The following INTS9 variants were observed in gnomAD, a reference collection of about 807,000 sequenced individuals.
INTS9 encodes protein related to CPSF subunits of 74 kDa.
In INTS9, 55 loss-of-function variants were observed where a neutral mutation model predicts 79.7. That is an observed-to-expected ratio of 0.69 (90% CI 0.56 to 0.86). INTS9 has a LOEUF of 0.86. INTS9 is among the 40% of genes least tolerant of loss of function. INTS9 has a pLI of 0.00. For synonymous variants in INTS9, 319 were observed against 325.2 expected, an observed-to-expected ratio of 0.98 and a Z score of 0.20; for missense variants, 721 against 831.5, an observed-to-expected ratio of 0.87 and a Z score of 1.64.
chr8:28,822,493 A>G (rs1281110059), intron 6 of INTS9, among the ~76,000 whole-genome samples: 2 of 152,224 alleles, frequency 1.3e-5, no homozygotes, highest in African/African-American at 2.4e-5. Flanking sequence ...ATAAAACTTT[A>G]TAAAAACAGT....
chr8:28,776,071 A>G (rs532420269), intron 13 of INTS9, 145 bp from the exon 14 acceptor site: 51 of 610,796 alleles, frequency 8.3e-5, no homozygotes, highest in South Asian at 1.2e-4. Context: ...CTCAAGCCCA[A>G]TGAACCGTAG....
At chr8:28,871,651 T>TC (rs1809102529) in intron 1 of INTS9, among the ~76,000 whole-genome samples, 1 of 152,038 alleles carries the variant, frequency 6.6e-6, no homozygotes, top group South Asian at 2.1e-4. Context: ...AGCAATCCGC[T>TC]CACCTCGGCC....
At chr8:28,818,504 A>C (rs1805634936) in intron 6 of INTS9, among the ~76,000 whole-genome samples, 1 of 152,206 alleles carries the variant, frequency 6.6e-6, no homozygotes, top group African/African-American at 2.4e-5. Context: ...GATGAAGCCC[A>C]CTTGATCATG....
At chr8:28,796,338 T>C (rs2130968339) in intron 9 of INTS9, among the ~76,000 whole-genome samples, 1 of 152,276 alleles carries the variant, frequency 6.6e-6, no homozygotes, top group East Asian at 1.9e-4. Context: ...TTCATACATA[T>C]CTATCTGTTC....
chr8:28,794,725 G>C (rs911900376), intron 9 of INTS9, among the ~76,000 whole-genome samples: 2 of 152,186 alleles, frequency 1.3e-5, no homozygotes, highest in Non-Finnish European at 2.9e-5. Flanking sequence ...GAAAATGCCA[G>C]AGAACATGTT....
chr8:28,825,157 C>T (rs1806077075), intron 6 of INTS9, among the ~76,000 whole-genome samples: 2 of 152,198 alleles, frequency 1.3e-5, no homozygotes, highest in Admixed American at 6.5e-5. Context: ...AGCCCTGGGG[C>T]TTGAACCTCC....
chr8:28,796,667 C>T lies in INTS9; in HGVS notation c.745-12G>A. 1 of 1,523,336 alleles carries T rather than the reference C, an allele frequency of 6.6e-7. No individual in the cohort carries two copies. Among genetic ancestry groups the T allele is most frequent in the Non-Finnish European group, 9.1e-7 (1 of 1,097,464 alleles). The allele number at this position is 1,523,336 out of a possible 1,614,324, so 94.4% of individuals were successfully genotyped here. A position where few individuals can be genotyped will look rare whatever the true frequency, so the allele number is the denominator to read the frequency against. ...GCTTGGTCCATGGGCTGAAAAAGAA[C>T]ACAGAAATATGGTTAGTAATTTTAA... On this transcript the variant is annotated splice_polypyrimidine_tract_variant and intron_variant, in intron 8 of 16. Coordinates refer to ENST00000521022, the MANE Select transcript of INTS9 (RefSeq NM_018250.4).
chr8:28,799,456 G>T (rs1804404732), intron 8 of INTS9: 1 of 152,206 alleles, frequency 6.6e-6, no homozygotes, highest in Admixed American at 6.5e-5. Flanking sequence ...TGGAACCATT[G>T]TAAGATACCT....
intron 1 of INTS9, among the ~76,000 whole-genome samples, chr8:28,865,472 TAA>T (rs78350760): frequency 1.7e-4 from 20 of 116,438 alleles, no homozygotes; most frequent in Admixed American, 1.8e-4. Context: ...ACCCCATCTC[TAA>T]AAAAAAAAAA....
chr8:28,884,602 G>A (rs1287977924), intron 1 of INTS9, among the ~76,000 whole-genome samples: 1 of 152,132 alleles, frequency 6.6e-6, no homozygotes, highest in Non-Finnish European at 1.5e-5. Flanking sequence ...ACTGAGAAAG[G>A]TATGTAACTT....
chr8:28,774,050 T>C lies in INTS9; in HGVS notation c.1563+1709A>G, dbSNP rs191963590. On this transcript the variant is annotated intron_variant, in intron 14 of 16. Coordinates refer to ENST00000521022, the MANE Select transcript of INTS9 (RefSeq NM_018250.4). ...GGCTAGTCTTGAACTCCTGACCTCA[T>C]TGTCCACCCGCCTCGGCCTCCCACA... Among the ~76,000 whole-genome samples the C allele has an allele frequency of 3.4e-4, 51 of 152,238 alleles. 1 individual carries two copies. Among genetic ancestry groups the C allele is most frequent in the African/African-American group, 1.2e-3 (49 of 41,560 alleles).
chr8:28,777,876 T>C lies in INTS9; in HGVS notation c.1348A>G (p.Thr450Ala). The C allele has an allele frequency of 1.2e-6, 2 of 1,612,438 alleles. No individual in the cohort carries two copies. Among genetic ancestry groups the C allele is most frequent in the Non-Finnish European group, 1.7e-6 (2 of 1,179,288 alleles). ...GACACCTGGATGAAGTTCAGCCGGG[T>C]GTCGATGGGGCAGTAGATGCATTTC... Reference protein sequence around the residue: ...AMKCIYCPIDTRLNFIQVSKL... With the variant: ...AMKCIYCPIDARLNFIQVSKL... Residue 450 changes from threonine (T) to alanine (A), a missense_variant, in exon 13 of 17, where the codon ACC becomes GCC. Around this residue, in one of 3 missense-constraint regions of INTS9, gnomAD observed 281 missense variants for 300.8 expected, o/e 0.93. Coordinates refer to ENST00000521022, the MANE Select transcript of INTS9 (RefSeq NM_018250.4).
At chr8:28,860,045 T>C (rs1419988823) in intron 1 of INTS9, among the ~76,000 whole-genome samples, 1 of 152,218 alleles carries the variant, frequency 6.6e-6, no homozygotes, top group East Asian at 1.9e-4. Flanking sequence ...CTAACAAGCA[T>C]GAGTAAAGGT....
chr8:28,852,283 C>T (rs1421612026), intron 2 of INTS9, among the ~76,000 whole-genome samples: 1 of 127,170 alleles, frequency 7.9e-6, no homozygotes, highest in Non-Finnish European at 1.7e-5. Flanking sequence ...ATAAATCACA[C>T]CTGATAAACT....
intron 12 of INTS9, among the ~76,000 whole-genome samples, 198 bp from the exon 13 acceptor site, chr8:28,778,151 A>G (rs979999926): frequency 6.6e-6 from 1 of 152,208 alleles, no homozygotes; most frequent in Admixed American, 6.5e-5. Context: ...GTGGGCTCCA[A>G]GCTTCAGCAG....
intron 10 of INTS9, among the ~76,000 whole-genome samples, 181 bp from the exon 11 acceptor site, chr8:28,788,070 A>G (rs1427098591): frequency 2.0e-5 from 3 of 152,198 alleles, no homozygotes; most frequent in African/African-American, 7.2e-5. Flanking sequence ...GTATGTTTTT[A>G]AACTTTAGAA....
intron 14 of INTS9, chr8:28,771,296 T>G (rs761628987): frequency 7.1e-6 from 4 of 561,932 alleles, no homozygotes; most frequent in South Asian, 5.4e-5. Context: ...CCTCATCCCC[T>G]CTCCAGGTGA....
chr8:28,786,037 T>C (rs1180235699), intron 11 of INTS9, among the ~76,000 whole-genome samples: 1 of 152,228 alleles, frequency 6.6e-6, no homozygotes, highest in Non-Finnish European at 1.5e-5. Flanking sequence ...ACTACCACAC[T>C]GGCATCTAAT....
chr8:28,785,450 A>G (rs566890983), intron 11 of INTS9, among the ~76,000 whole-genome samples: 42 of 152,136 alleles, frequency 2.8e-4, no homozygotes, highest in African/African-American at 3.9e-4. Flanking sequence ...CCTCTTGCCT[A>G]TGTACTCAGT....
Sources: allele counts gnomAD v4.1 joint callset (sites outside exome capture counted in the v4.1 genomes callset), GRCh38; gene constraint gnomAD v4.1.1; regional missense constraint gnomAD v4.1.1; transcripts MANE v1.5; gene names NCBI Gene and HGNC (gene_info 2026-07-23, HGNC 2026-07-21).